The following TTLL11 variants were observed in gnomAD, a reference collection of about 807,000 sequenced individuals.
TTLL11 encodes tubulin polyglutamylase TTLL11.
TTLL11 carries 42 observed loss-of-function variants against 51.7 expected under a neutral mutation model. The ratio of observed to expected loss-of-function variants is 0.81; its 90% CI spans 0.64 to 1.05. TTLL11 has a LOEUF of 1.05. Among genes scored for constraint, TTLL11 ranks in the 50% least tolerant of loss-of-function variants. TTLL11 has a pLI of 0.00. For missense variants in TTLL11, 799 were observed against 940.4 expected (o/e 0.85, Z 1.97); for synonymous variants, 381 against 383.5 (o/e 0.99, Z 0.08).
Position 122,014,990 on chromosome 9 carries a change from T to C in TTLL11, c.693+16733A>G, listed in dbSNP as rs542777410. ...ACTAAACCACATAAGAATATCTGAG[T>C]ACACCAGCAGTTGTATAACCGGGAG... On this transcript the variant is annotated intron_variant, in intron 3 of 8. Transcript: ENST00000321582. 6.6e-5 allele frequency among the ~76,000 whole-genome samples: 10 copies of C among 152,282 alleles called. No homozygotes were observed. In the South Asian group the frequency reaches 1.9e-3, roughly 28 times the overall value.
At chr9:121,956,158 C>T (rs1349513582) in intron 6 of TTLL11, among the ~76,000 whole-genome samples, 3 of 152,120 alleles carry the variant, frequency 2.0e-5, no homozygotes, top group African/African-American at 7.2e-5. Flanking sequence ...AAACATTTTC[C>T]CACCACTTAT....
At chr9:122,060,010 C>G (rs1233430180) in intron 1 of TTLL11, among the ~76,000 whole-genome samples, 1 of 152,222 alleles carries the variant, frequency 6.6e-6, no homozygotes, top group African/African-American at 2.4e-5. Context: ...TCCTGACTGG[C>G]TGGAATGCAT....
intron 3 of TTLL11, among the ~76,000 whole-genome samples, chr9:122,025,550 A>G (rs1564363539): frequency 6.6e-6 from 1 of 152,102 alleles, no homozygotes; most frequent in Non-Finnish European, 1.5e-5. Context: ...AGCCTGGGAG[A>G]TGGAGGCTGC....
chr9:121,846,071 A>AG (rs71370694), intron 8 of TTLL11, among the ~76,000 whole-genome samples: 101,226 of 151,388 alleles, frequency 0.67, 34,228 homozygotes, highest in East Asian at 0.77. Context: ...AAAGATAGAT[A>AG]AAAAAGCAAA....
chr9:121,825,378 ATGAACTGTG>A (rs1446440270), intron 8 of TTLL11, among the ~76,000 whole-genome samples: 1 of 152,242 alleles, frequency 6.6e-6, no homozygotes, highest in Non-Finnish European at 1.5e-5. Flanking sequence ...TGCCAAGCCC[ATGAACTGTG>A]TGTCCCTGGT....
chr9:122,038,274 C>G (rs1844755757), intron 2 of TTLL11, among the ~76,000 whole-genome samples: 1 of 152,126 alleles, frequency 6.6e-6, no homozygotes, highest in Non-Finnish European at 1.5e-5. Flanking sequence ...TTGACTGCAT[C>G]ATACCCAGCT....
At chr9:122,017,153 G>A (rs1168390420) in intron 3 of TTLL11, among the ~76,000 whole-genome samples, 1 of 152,058 alleles carries the variant, frequency 6.6e-6, no homozygotes, top group African/African-American at 2.4e-5. Context: ...ACTTCTTCCT[G>A]TTGTTGCCAG....
At chr9:121,863,759 A>G (rs1838092612) in intron 7 of TTLL11, among the ~76,000 whole-genome samples, 1 of 152,212 alleles carries the variant, frequency 6.6e-6, no homozygotes, top group Admixed American at 6.5e-5. Flanking sequence ...GATTTTAACC[A>G]TTCCTTGAGG....
intron 4 of TTLL11, among the ~76,000 whole-genome samples, chr9:121,986,762 T>A (rs561349802): frequency 6.6e-6 from 1 of 152,128 alleles, no homozygotes; most frequent in African/African-American, 2.4e-5. Context: ...GGGACCAGCC[T>A]CCTCTTCTGC....
At chr9:121,862,527 A>G (rs376711711) in intron 7 of TTLL11, among the ~76,000 whole-genome samples, 6 of 152,118 alleles carry the variant, frequency 3.9e-5, no homozygotes, top group Non-Finnish European at 7.4e-5. Context: ...CTGGAGCCCA[A>G]CCTTTCAGTG....
intron 3 of TTLL11, among the ~76,000 whole-genome samples, chr9:122,021,866 T>C (rs1844191352): frequency 6.6e-6 from 1 of 152,106 alleles, no homozygotes. Flanking sequence ...CAACTCAGAA[T>C]GGACAGAGTT....
intron 6 of TTLL11, among the ~76,000 whole-genome samples, chr9:121,960,562 G>T (rs927027641): frequency 4.6e-5 from 7 of 152,034 alleles, no homozygotes; most frequent in Admixed American, 6.5e-5. Context: ...TGGTGCTTCT[G>T]CTGCCTCCTG....
intron 1 of TTLL11, among the ~76,000 whole-genome samples, chr9:122,079,922 G>A (rs912339131): frequency 3.9e-5 from 6 of 151,968 alleles, no homozygotes; most frequent in Non-Finnish European, 7.4e-5. Context: ...GAGGCTAGGC[G>A]TTCACGACTA....
chr9:122,073,437 C>A lies in TTLL11; in HGVS notation c.462+19250G>T, dbSNP rs1226460872. 3.3e-5 allele frequency among the ~76,000 whole-genome samples: 5 copies of A among 152,004 alleles called. No individual in the cohort carries two copies. In the East Asian group the frequency reaches 7.7e-4, roughly 23 times the overall value. ...AAAATGAAATAAAATAAAATAAAAT[C>A]TTGTGGGAAAGAAAGAAAATCAAAC... On this transcript the variant is annotated intron_variant, in intron 1 of 8. Transcript: ENST00000321582.
At chr9:121,841,322 C>A (rs1403680896) in intron 8 of TTLL11, among the ~76,000 whole-genome samples, 1 of 152,296 alleles carries the variant, frequency 6.6e-6, no homozygotes, top group South Asian at 2.1e-4. Context: ...CTGTATCCTG[C>A]AGGTAGCAGG....
chr9:121,996,403 C>T (rs1843265629), intron 3 of TTLL11, among the ~76,000 whole-genome samples: 1 of 152,172 alleles, frequency 6.6e-6, no homozygotes, highest in Admixed American at 6.5e-5. Context: ...TTGAGCTTCC[C>T]CATATCTTCA....
chr9:121,984,033 T>C (rs1404188909), intron 4 of TTLL11, among the ~76,000 whole-genome samples: 2 of 152,164 alleles, frequency 1.3e-5, no homozygotes, highest in South Asian at 2.1e-4. Context: ...AGAGAGAGCA[T>C]GCCAGGTCAG....
chr9:121,852,060 T>C (rs1299385674), intron 8 of TTLL11, among the ~76,000 whole-genome samples: 3 of 152,178 alleles, frequency 2.0e-5, no homozygotes, highest in Non-Finnish European at 4.4e-5. Flanking sequence ...GGCTGGCCCC[T>C]GTTCTGCCCC....
chr9:121,879,502 AGTC>A (rs1171443832), intron 6 of TTLL11, among the ~76,000 whole-genome samples: 3 of 152,168 alleles, frequency 2.0e-5, no homozygotes, highest in Non-Finnish European at 4.4e-5. Context: ...GTACAGAAAA[AGTC>A]AGATTTTGAG....
Sources: allele counts gnomAD v4.1 joint callset (sites outside exome capture counted in the v4.1 genomes callset), GRCh38; gene constraint gnomAD v4.1.1; transcripts MANE v1.5; gene names NCBI Gene and HGNC (gene_info 2026-07-23, HGNC 2026-07-21).